The following SF1 variants were observed in gnomAD, a reference collection of about 807,000 sequenced individuals.
The protein encoded by SF1 is branch point-binding protein.
Under a neutral mutation model 62.5 loss-of-function variants are expected in SF1, and 7 were observed. That is an observed-to-expected ratio of 0.11 (90% confidence interval 0.06 to 0.21). The LOEUF is 0.21. SF1 is among the 10% of genes least tolerant of loss of function. The probability of loss-of-function intolerance (pLI) is 1.00; values close to 1 mark genes in which losing one functional copy is unlikely to be tolerated. For missense variants in SF1, 578 were observed against 884.0 expected (o/e 0.65, Z 4.39); for synonymous variants, 394 against 323.6 (o/e 1.22, Z -2.33).
At chr11:64,778,006 G>T in intron 1 of SF1, 1 of 1,001,400 alleles carries the variant, frequency 1.0e-6, no homozygotes, top group Non-Finnish European at 1.2e-6. Flanking sequence ...CGCCGGCCGG[G>T]CCCGGCTGCT....
In SF1 at chr11:64,778,037, G is replaced by A. The variant is rs1380351696; in HGVS notation, c.31+325C>T. ...CTGCTGGTCCTTACGCGGCGGCTGG[G>A]GTGGCGGCGGCTGCGGCGGCGACAC... On this transcript the variant is annotated intron_variant, in intron 1 of 12. Coordinates refer to ENST00000377390, the MANE Select transcript of SF1 (RefSeq NM_004630.4). 1.1e-5 allele frequency: 11 copies of A among 1,011,046 alleles called. No individual in the cohort carries two copies. In the African/African-American group the frequency reaches 1.7e-4, roughly 16 times the overall value. 62.6% of individuals were successfully genotyped at this position (1,011,046 alleles called of 1,614,324 possible). A position where few individuals can be genotyped will look rare whatever the true frequency, so the allele number is the denominator to read the frequency against.
chr11:64,772,750 T>C (rs1938535517), intron 3 of SF1: 1 of 985,230 alleles, frequency 1.0e-6, no homozygotes, highest in Middle Eastern at 5.2e-4. Flanking sequence ...TGAGAGAAAC[T>C]GCAAACTGAA....
rs553312923 is a variant in SF1 at position 64,772,579 on chromosome 11, C to G, written c.236+851G>C. 4.1e-6 allele frequency: 4 copies of G among 985,172 alleles called. No individual in the cohort carries two copies. The East Asian group carries it at 4.5e-4, about 112-fold the overall frequency. 61.0% of individuals were successfully genotyped at this position (985,172 alleles called of 1,614,324 possible). Reference sequence around the variant, plus strand: ...AAACCAAAAACACTACTTTTTAAAGCAAAGTCTTTTCAACTATTCTGTATG... The same window carrying G: ...AAACCAAAAACACTACTTTTTAAAGGAAAGTCTTTTCAACTATTCTGTATG... On this transcript the variant is annotated intron_variant, in intron 3 of 12. Coordinates refer to ENST00000377390, the MANE Select transcript of SF1 (RefSeq NM_004630.4).
At chr11:64,775,818 G>C (rs1286172372) in intron 2 of SF1, among the ~76,000 whole-genome samples, 1 of 152,064 alleles carries the variant, frequency 6.6e-6, no homozygotes, top group Admixed American at 6.5e-5. Context: ...AAACCTCCCA[G>C]CAAATAAAAC....
chr11:64,777,204 G>A (rs566701435), intron 1 of SF1, among the ~76,000 whole-genome samples: 53 of 152,158 alleles, frequency 3.5e-4, no homozygotes, highest in African/African-American at 1.2e-3. Context: ...GGACACTGAG[G>A]GTCTGAACTC....
chr11:64,767,909 G>T (rs1937618845), intron 9 of SF1, 65 bp from the exon 10 acceptor site: 1 of 1,576,714 alleles, frequency 6.3e-7, no homozygotes, highest in African/African-American at 1.4e-5. Flanking sequence ...TTGTTCTTCG[G>T]GTTATGACAC....
At position 64,778,519 on chromosome 11, in the gene SF1, G is replaced by GGGC. The variant is rs557139628; in HGVS notation, c.-130_-128dup. 6.3e-3 allele frequency: 7,629 copies of GGGC among 1,202,316 alleles called. 21 individuals are homozygous for GGGC. Among genetic ancestry groups the GGGC allele is most frequent in the Non-Finnish European group, 7.1e-3 (6,898 of 968,590 alleles). The allele number at this position is 1,202,316 out of a possible 1,614,324, so 74.5% of individuals were successfully genotyped here. A position where few individuals can be genotyped will look rare whatever the true frequency, so the allele number is the denominator to read the frequency against. On this transcript the variant is annotated 5_prime_UTR_variant, in exon 1 of 13. Transcript: ENST00000377390. Reference sequence around the variant, plus strand: ...CGCGGAGCCCGTCCTCTCACGCGGCGGGCGGCGGCGGCGCGAGACGCACAA... The same window carrying GGGC: ...CGCGGAGCCCGTCCTCTCACGCGGCGGGCGGCGGCGGCGGCGCGAGACGCACAA...
At chr11:64,775,174 G>A (rs558065327) in intron 2 of SF1, among the ~76,000 whole-genome samples, 1 of 152,046 alleles carries the variant, frequency 6.6e-6, no homozygotes, top group African/African-American at 2.4e-5. Context: ...TGGAGATGTG[G>A]GGCCTGATCT....
At position 64,769,486 on chromosome 11, in the gene SF1, C is replaced by T. The variant is rs772653090; in HGVS notation, c.603G>A (p.Glu201=). 5 of 1,614,226 alleles carry T rather than the reference C, an allele frequency of 3.1e-6. No individual in the cohort carries two copies. In the East Asian group the frequency reaches 1.1e-4, roughly 36 times the overall value. The stretch of plus-strand genomic sequence containing the variant: ...TGGCAGTAACCAGGGCATGAAGTGG[C>T]TCATCTTCTCCTGGCAACATCTGGC... ...KDGQMLPGED[E]PLHALVTANT... is the part of the protein sequence containing the mutation. Residue 201 remains glutamate (E), a synonymous_variant, in exon 6 of 13, where the codon GAG becomes GAA. Transcript: ENST00000377390.
chr11:64,769,689 T>C, intron 5 of SF1, 80 bp from the exon 6 acceptor site: 1 of 1,330,302 alleles, frequency 7.5e-7, no homozygotes, highest in Non-Finnish European at 1.0e-6. Context: ...AATTTGGCAT[T>C]GGTGGGAAAC....
chr11:64,778,304 G>A (rs2136005166), intron 1 of SF1, 58 bp downstream of exon 1: 3 of 1,220,274 alleles, frequency 2.5e-6, no homozygotes, highest in Non-Finnish European at 3.1e-6. Flanking sequence ...CGGAGGGCCC[G>A]GCTCGAAGCC....
chr11:64,774,343 A>G (rs1051366721), intron 2 of SF1, among the ~76,000 whole-genome samples: 6 of 152,188 alleles, frequency 3.9e-5, no homozygotes, highest in Non-Finnish European at 7.3e-5. Context: ...AAAAAGAGAG[A>G]TGAGGGTTTC....
intron 1 of SF1, 103 bp from the exon 2 acceptor site, chr11:64,776,729 G>T: frequency 8.9e-7 from 1 of 1,124,340 alleles, no homozygotes; most frequent in Non-Finnish European, 1.3e-6. Flanking sequence ...AGACTGTGAA[G>T]CTGAGAGCTT....
Position 64,777,586 on chromosome 11 carries a change from G to A in SF1, c.31+776C>T, listed in dbSNP as rs566662591. On this transcript the variant is annotated intron_variant, in intron 1 of 12. Transcript: ENST00000377390. ...CATTCTGGTTCCTCAAGACCAGAAG[G>A]GAGTCGCTGCACGTCATCAGGTGAG... 43 of 985,446 alleles carry A rather than the reference G, an allele frequency of 4.4e-5. No individual in the cohort carries two copies. In the East Asian group the frequency reaches 7.9e-4, roughly 18 times the overall value. The allele number at this position is 985,446 out of a possible 1,614,324, so 61.0% of individuals were successfully genotyped here.
intron 12 of SF1, chr11:64,766,690 C>A (rs117537515): frequency 0.038 from 17,600 of 463,526 alleles, 425 homozygotes; most frequent in Non-Finnish European, 0.047. Flanking sequence ...CCCCCACGAA[C>A]CTCTCCCCAG....
chr11:64,766,208 T>C (rs1253563115), intron 12 of SF1, 53 bp from the exon 13 acceptor site: 7 of 1,427,518 alleles, frequency 4.9e-6, no homozygotes, highest in Non-Finnish European at 6.7e-6. Context: ...ACCGCGGCTG[T>C]CTGCGGCTGC....
chr11:64,776,406 A>C, intron 2 of SF1, 92 bp downstream of exon 2: 1 of 1,377,076 alleles, frequency 7.3e-7, no homozygotes, highest in Non-Finnish European at 1.0e-6. Context: ...AAAAAAGATA[A>C]CTACAATCTC....
chr11:64,768,525 A>T (rs1433530224), intron 8 of SF1, among the ~76,000 whole-genome samples: 1 of 152,248 alleles, frequency 6.6e-6, no homozygotes, highest in Non-Finnish European at 1.5e-5. Context: ...AGAGCACAGG[A>T]GACCCTGAGC....
chr11:64,769,872 A>G (rs1490927179), intron 5 of SF1, 92 bp downstream of exon 5: 8 of 998,868 alleles, frequency 8.0e-6, no homozygotes. Flanking sequence ...AAAAGGGGAA[A>G]AGTAAGCCAA....
Sources: allele counts gnomAD v4.1 joint callset (sites outside exome capture counted in the v4.1 genomes callset), GRCh38; gene constraint gnomAD v4.1.1; transcripts MANE v1.5; gene names NCBI Gene and HGNC (gene_info 2026-07-23, HGNC 2026-07-21).